TRIM71: variants seen among roughly 807,000 people sequenced by gnomAD.
The protein encoded by TRIM71 is E3 ubiquitin-protein ligase TRIM71.
TRIM71 carries 9 observed loss-of-function variants against 61.2 expected under a neutral mutation model. The ratio of observed to expected loss-of-function variants is 0.15; its 90% CI spans 0.09 to 0.26. TRIM71 has a LOEUF of 0.26. TRIM71 is among the 10% of genes least tolerant of loss of function. The probability of loss-of-function intolerance (pLI) is 1.00; values close to 1 mark genes in which losing one functional copy is unlikely to be tolerated. For missense variants in TRIM71, 998 were observed against 1,238.7 expected (o/e 0.81, Z 2.92); for synonymous variants, 645 against 553.2 (o/e 1.17, Z -2.33).
chr3:32,834,789 C>T (rs1325425264), intron 1 of TRIM71, among the ~76,000 whole-genome samples: 2 of 152,068 alleles, frequency 1.3e-5, no homozygotes, highest in African/African-American at 4.8e-5. Context: ...TTGCAGTGAG[C>T]CGAGATCGCA....
At chr3:32,880,178 A>G (rs533975061) in intron 2 of TRIM71, among the ~76,000 whole-genome samples, 1 of 151,884 alleles carries the variant, frequency 6.6e-6, no homozygotes, top group African/African-American at 2.4e-5. Context: ...GGCCTGTACC[A>G]CCACGCCTGG....
At chr3:32,851,795 A>G (rs1434477068) in intron 1 of TRIM71, among the ~76,000 whole-genome samples, 2 of 152,136 alleles carry the variant, frequency 1.3e-5, no homozygotes, top group Non-Finnish European at 2.9e-5. Flanking sequence ...GGCAACTTTG[A>G]AAGGGTTGGG....
chr3:32,888,532 TTTG>T (rs374711623), intron 3 of TRIM71, among the ~76,000 whole-genome samples: 29 of 149,856 alleles, frequency 1.9e-4, no homozygotes, highest in South Asian at 4.2e-4. Flanking sequence ...CCTTTTGCGG[TTTG>T]TTGTTGTTGT....
At chr3:32,823,109 AAT>A (rs1363036360) in intron 1 of TRIM71, among the ~76,000 whole-genome samples, 3 of 152,200 alleles carry the variant, frequency 2.0e-5, no homozygotes. Flanking sequence ...CCTTGAAAAT[AAT>A]TACAGAGGTT....
At chr3:32,839,428 C>T (rs1696377679) in intron 1 of TRIM71, among the ~76,000 whole-genome samples, 2 of 152,124 alleles carry the variant, frequency 1.3e-5, no homozygotes, top group South Asian at 4.2e-4. Context: ...TACAGGGTTT[C>T]ACCATGTTGG....
At chr3:32,864,504 C>T (rs1696707303) in intron 1 of TRIM71, among the ~76,000 whole-genome samples, 1 of 152,194 alleles carries the variant, frequency 6.6e-6, no homozygotes, top group South Asian at 2.1e-4. Flanking sequence ...ATCTGGGAGT[C>T]AAGTAAGTCC....
chr3:32,844,161 G>A (rs748700823), intron 1 of TRIM71, among the ~76,000 whole-genome samples: 5 of 152,146 alleles, frequency 3.3e-5, no homozygotes, highest in Non-Finnish European at 7.4e-5. Flanking sequence ...CCTGGGAGTT[G>A]GTTAGCCCTG....
intron 2 of TRIM71, among the ~76,000 whole-genome samples, chr3:32,881,265 G>A (rs973481394): frequency 7.9e-5 from 12 of 152,124 alleles, no homozygotes; most frequent in African/African-American, 2.9e-4. Context: ...CAGTCCACCT[G>A]CCTCAGCCTC....
chr3:32,825,487 T>G (rs1035310169), intron 1 of TRIM71, among the ~76,000 whole-genome samples: 2 of 152,218 alleles, frequency 1.3e-5, no homozygotes, highest in African/African-American at 2.4e-5. Flanking sequence ...AGGGCAAGGT[T>G]TATTTTGTCT....
At chr3:32,875,248 T>C (rs1456933966) in intron 2 of TRIM71, among the ~76,000 whole-genome samples, 1 of 152,272 alleles carries the variant, frequency 6.6e-6, no homozygotes, top group Non-Finnish European at 1.5e-5. Context: ...CCCCTGTAAT[T>C]GAAACTGTTG....
chr3:32,885,861 C>G, intron 2 of TRIM71, 73 bp from the exon 3 acceptor site: 8 of 1,539,002 alleles, frequency 5.2e-6, no homozygotes, highest in Non-Finnish European at 1.8e-6. Context: ...TCTGACAGAG[C>G]AGATTCAAAT....
chr3:32,854,359 A>G (rs1428443589), intron 1 of TRIM71, among the ~76,000 whole-genome samples: 1 of 152,156 alleles, frequency 6.6e-6, no homozygotes, highest in Non-Finnish European at 1.5e-5. Context: ...TTCTGGAGAG[A>G]CACCTCATTC....
chr3:32,828,511 T>TG (rs1477737396), intron 1 of TRIM71, among the ~76,000 whole-genome samples: 3 of 144,544 alleles, frequency 2.1e-5, no homozygotes, highest in Non-Finnish European at 3.0e-5. Flanking sequence ...ACTTTTTTTT[T>TG]TTTTTTTTTT....
intron 1 of TRIM71, among the ~76,000 whole-genome samples, chr3:32,836,936 C>G (rs567039041): frequency 6.6e-6 from 1 of 152,250 alleles, no homozygotes; most frequent in East Asian, 1.9e-4. Context: ...TACAAACGAC[C>G]CATTCCTTCA....
chr3:32,879,265 A>T (rs998530722), intron 2 of TRIM71, among the ~76,000 whole-genome samples: 3 of 152,204 alleles, frequency 2.0e-5, no homozygotes, highest in Admixed American at 1.3e-4. Flanking sequence ...TCATATCAGC[A>T]ATAAGTCTGT....
In TRIM71 at chr3:32,885,939, C is replaced by T. The variant is rs754481343; in HGVS notation, c.1026C>T (p.Ser342=). 2 of 1,611,344 alleles carry T rather than the reference C, an allele frequency of 1.2e-6. No homozygotes were observed. The highest frequency in any genetic ancestry group is 2.2e-5 in the South Asian group (2 of 90,658). ...GTTTCTTTTTGGTTTTCCAGCTGAG[C>T]ATCGAGCAGGCCCAGACGGTGGCGG... ...AQQGRQAIQL[S]IEQAQTVAEQ... Residue 342 remains serine (S), a synonymous_variant, in exon 3 of 4, where the codon AGC becomes AGT. Transcript: ENST00000383763.
intron 1 of TRIM71, among the ~76,000 whole-genome samples, chr3:32,871,745 C>T (rs1696797274): frequency 3.3e-5 from 5 of 152,324 alleles, no homozygotes; most frequent in African/African-American, 1.2e-4. Context: ...TTAAAGGAGG[C>T]AAGTTGCTGC....
Position 32,846,364 on chromosome 3 carries a change from T to C in TRIM71, c.852+27432T>C, listed in dbSNP as rs529562744. 1.2e-4 allele frequency among the ~76,000 whole-genome samples: 18 copies of C among 152,332 alleles called. No homozygotes were observed. The South Asian group carries it at 3.5e-3, about 30-fold the overall frequency. ...TGCTGGGATTACAGGCGTGAGCCAC[T>C]ATGCCTGGCCACCACTTCTTATTTT... On this transcript the variant is annotated intron_variant, in intron 1 of 3. Coordinates refer to ENST00000383763, the MANE Select transcript of TRIM71 (RefSeq NM_001039111.3).
intron 1 of TRIM71, among the ~76,000 whole-genome samples, chr3:32,872,236 T>A (rs2125688483): frequency 6.6e-6 from 1 of 152,322 alleles, no homozygotes; most frequent in East Asian, 1.9e-4. Context: ...CACAATATCC[T>A]AAATCTTTCG....
Sources: gnomAD v4.1 joint callset for allele counts (sites outside exome capture counted in the v4.1 genomes callset) on GRCh38, gnomAD v4.1.1 for gene constraint, MANE v1.5 for transcripts, NCBI Gene and HGNC (gene_info 2026-07-23, HGNC 2026-07-21) for gene names.